AMY2B: variants seen among roughly 807,000 people sequenced by gnomAD.
AMY2B encodes amylase alpha 2B.
A neutral mutation model predicts 59.3 loss-of-function variants in AMY2B; 63 were observed. The observed-to-expected ratio is 1.06, with a 90% CI of 0.87 to 1.31. The LOEUF is 1.31. Among genes scored for constraint, AMY2B ranks in the 50% most tolerant of loss-of-function variants. The probability of loss-of-function intolerance (pLI) is 0.00; values close to 1 mark genes in which losing one functional copy is unlikely to be tolerated. For missense variants in AMY2B, 635 were observed against 626.7 expected (o/e 1.01, Z -0.14); for synonymous variants, 180 against 198.1 (o/e 0.91, Z 0.77).
chr1:103,575,412 C>T, intron 6 of AMY2B, 29 bp from the exon 7 acceptor site: 1 of 1,612,988 alleles, frequency 6.2e-7, no homozygotes, highest in Non-Finnish European at 8.5e-7. Flanking sequence ...TTCTGATATT[C>T]TGTGATAATA....
chr1:103,562,818 GAC>G (rs1651777842), intron 1 of AMY2B, among the ~76,000 whole-genome samples: 1 of 151,766 alleles, frequency 6.6e-6, no homozygotes, highest in Non-Finnish European at 1.5e-5. Context: ...GCTCTAGAAA[GAC>G]AAGTTATTTG....
upstream of AMY2B, chr1:103,570,454 G>A: frequency 1.3e-6 from 1 of 752,006 alleles, no homozygotes; most frequent in Non-Finnish European, 2.4e-6. Flanking sequence ...CTATCTGGTG[G>A]CAACATGTAC....
chr1:103,558,761 T>TGAA (rs1651638247), intron 1 of AMY2B, among the ~76,000 whole-genome samples: 1 of 126,260 alleles, frequency 7.9e-6, no homozygotes, highest in Non-Finnish European at 1.6e-5. Flanking sequence ...AGACCCCAAC[T>TGAA]GAAAAAAAAA....
chr1:103,567,933 AC>A (rs1242500262), upstream of AMY2B, among the ~76,000 whole-genome samples: 1 of 152,124 alleles, frequency 6.6e-6, no homozygotes, highest in Non-Finnish European at 1.5e-5. Context: ...ATGACTGGAC[AC>A]TTCTAATCCT....
intron 1 of AMY2B, among the ~76,000 whole-genome samples, chr1:103,559,024 A>G (rs531962145): frequency 1.3e-5 from 2 of 152,214 alleles, no homozygotes; most frequent in Non-Finnish European, 2.9e-5. Flanking sequence ...ACATGCAAAT[A>G]CTACATTGTA....
At position 103,573,121 on chromosome 1, in the gene AMY2B, G is replaced by A. The variant is rs1652202314; in HGVS notation, c.374G>A (p.Gly125Glu). The change falls in exon 3 of 10, where the codon GGA becomes GAA. Residue 125 changes from glycine (G) to glutamate (E), a missense_variant. Gly to Glu is a moderately conservative substitution (Grantham distance 98, BLOSUM62 -2). Transcript: ENST00000684275. ...ATGTCTGGTAATGCTGTGAGTGCAG[G>A]AACAAGCAGTACCTGTGGAAGTTAC... is the stretch of plus-strand genomic sequence containing the variant. ...NHMSGNAVSAGTSSTCGSYFN... is the reference protein window; with the variant it reads ...NHMSGNAVSAETSSTCGSYFN... 4.3e-6 allele frequency: 7 copies of A among 1,613,642 alleles called. No homozygotes were observed. The highest frequency in any genetic ancestry group is 5.9e-6 in the Non-Finnish European group (7 of 1,179,734).
chr1:103,566,081 C>T (rs1651899889), intron 2 of AMY2B, among the ~76,000 whole-genome samples: 1 of 152,136 alleles, frequency 6.6e-6, no homozygotes, highest in African/African-American at 2.4e-5. Context: ...GTATTGACTT[C>T]TTGCCATTTT....
upstream of AMY2B, chr1:103,570,592 T>G (rs1432274974): frequency 1.7e-6 from 1 of 593,304 alleles, no homozygotes; most frequent in African/African-American, 1.9e-5. Flanking sequence ...CTGGCCTCAC[T>G]GTCAGCCTTC....
In AMY2B at chr1:103,577,479, C is replaced by G. The variant is rs1262625481; in HGVS notation, c.1102-11C>G. 27 of 1,611,734 alleles carry G rather than the reference C, an allele frequency of 1.7e-5. No individual in the cohort carries two copies. The highest frequency in any genetic ancestry group is 2.2e-5 in the Non-Finnish European group (26 of 1,179,752). ...GTATGTTAAAATTTGGCTTTTCACC[C>G]CCTAATTAAGGATGTTAATGATTGG... On this transcript the variant is annotated splice_polypyrimidine_tract_variant and intron_variant, in intron 7 of 9. Coordinates refer to ENST00000684275, the MANE Select transcript of AMY2B (RefSeq NM_001387437.1).
chr1:103,575,593 C>G lies in AMY2B; in HGVS notation c.1101+53C>G. ...CTTTTCTCAAGAAACAGAAGGCAAT[C>G]TTGTTCTAACTTAATATGACAACTA... is the stretch of plus-strand genomic sequence containing the variant. On this transcript the variant is annotated intron_variant, in intron 7 of 9. Coordinates refer to ENST00000684275, the MANE Select transcript of AMY2B (RefSeq NM_001387437.1). The G allele has an allele frequency of 1.9e-6, 3 of 1,601,584 alleles. No homozygotes were observed. In the Admixed American group the frequency reaches 5.2e-5, roughly 28 times the overall value.
At chr1:103,574,165 T>G in intron 4 of AMY2B, 95 bp from the exon 5 acceptor site, 1 of 1,539,568 alleles carries the variant, frequency 6.5e-7, no homozygotes, top group Non-Finnish European at 8.7e-7. Context: ...AAATAACAAA[T>G]AGCTTAAAGC....
intron 7 of AMY2B, chr1:103,577,283 G>A (rs1652396239): frequency 2.0e-6 from 2 of 1,020,398 alleles, no homozygotes; most frequent in African/African-American, 1.6e-5. Flanking sequence ...TGTTACCTTT[G>A]TTTGAAATAT....
chr1:103,558,909 G>A (rs1557764847), intron 1 of AMY2B, among the ~76,000 whole-genome samples: 1 of 150,316 alleles, frequency 6.7e-6, no homozygotes, highest in Non-Finnish European at 1.5e-5. Flanking sequence ...AACATGTATT[G>A]AGTTTTTTTC....
chr1:103,578,824 A>AT (rs1181724393), intron 9 of AMY2B, among the ~76,000 whole-genome samples: 6 of 133,250 alleles, frequency 4.5e-5, no homozygotes, highest in South Asian at 5.0e-4. Flanking sequence ...CCCTTTAAAA[A>AT]TTTTTTTTTA....
upstream of AMY2B, chr1:103,569,613 T>C (rs781556611): frequency 2.0e-5 from 8 of 398,726 alleles, no homozygotes; most frequent in Non-Finnish European, 3.0e-5. Context: ...CAAAGCTGGC[T>C]TTGCTGGGGA....
intron 5 of AMY2B, among the ~76,000 whole-genome samples, chr1:103,574,703 A>G (rs1486628191): frequency 4.6e-5 from 7 of 152,048 alleles, no homozygotes; most frequent in African/African-American, 2.4e-5. Context: ...AAATGATCCT[A>G]TCATTTATAA....
chr1:103,571,440 A>T, upstream of AMY2B: 1 of 1,422,614 alleles, frequency 7.0e-7, no homozygotes, highest in Admixed American at 2.4e-5. Context: ...GAGACTTTTT[A>T]ATGTTCTTCT....
chr1:103,572,451 A>G (rs1652174006), intron 2 of AMY2B, among the ~76,000 whole-genome samples, 195 bp downstream of exon 2: 1 of 152,174 alleles, frequency 6.6e-6, no homozygotes, highest in Non-Finnish European at 1.5e-5. Context: ...CTATCTACCA[A>G]AGAAACAAGT....
upstream of AMY2B, chr1:103,570,688 A>G (rs1456454246): frequency 3.5e-6 from 2 of 571,864 alleles, no homozygotes; most frequent in Non-Finnish European, 7.0e-6. Flanking sequence ...GACTGTGAGC[A>G]GATGGCTAGC....
Sources: gnomAD v4.1 joint callset for allele counts (sites outside exome capture counted in the v4.1 genomes callset) on GRCh38, gnomAD v4.1.1 for gene constraint, MANE v1.5 for transcripts, NCBI Gene and HGNC (gene_info 2026-07-23, HGNC 2026-07-21) for gene names.